LRRTM4: variants seen among roughly 807,000 people sequenced by gnomAD.
LRRTM4 encodes the protein leucine-rich repeat transmembrane neuronal protein 4.
In LRRTM4, 25 loss-of-function variants were observed where a neutral mutation model predicts 47.6. That is an observed-to-expected ratio of 0.53 (90% confidence interval 0.38 to 0.73). The LOEUF (loss-of-function observed/expected upper bound fraction) is 0.73. Ranked by LOEUF, LRRTM4 falls within the 30% of genes least tolerant of loss-of-function variation. LRRTM4 has a pLI of 0.00. For missense variants in LRRTM4, 638 were observed against 713.4 expected (o/e 0.89, Z 1.20); for synonymous variants, 311 against 269.5 (o/e 1.15, Z -1.51).
chr2:76,872,819 G>T (rs1166322374), intron 3 of LRRTM4, among the ~76,000 whole-genome samples: 1 of 152,026 alleles, frequency 6.6e-6, no homozygotes, highest in South Asian at 2.1e-4. Context: ...GTAATAATGA[G>T]TTATTGCTCT....
At chr2:77,099,015 C>T (rs559400000) in intron 3 of LRRTM4, among the ~76,000 whole-genome samples, 15 of 151,860 alleles carry the variant, frequency 9.9e-5, no homozygotes, top group African/African-American at 3.4e-4. Flanking sequence ...GAAAATTATA[C>T]ATTTTGATGG....
intron 3 of LRRTM4, among the ~76,000 whole-genome samples, chr2:77,010,436 T>G (rs1347686737): frequency 1.3e-5 from 2 of 151,652 alleles, no homozygotes; most frequent in African/African-American, 4.8e-5. Flanking sequence ...TCTTCCTGGT[T>G]GATCCATGTT....
At chr2:77,401,695 CTA>C (rs1356628167) in intron 3 of LRRTM4, among the ~76,000 whole-genome samples, 1 of 151,928 alleles carries the variant, frequency 6.6e-6, no homozygotes, top group African/African-American at 2.4e-5. Flanking sequence ...TTGCCTTCTT[CTA>C]TTTTGCCATA....
intron 3 of LRRTM4, among the ~76,000 whole-genome samples, chr2:76,934,053 C>A (rs1674859415): frequency 6.6e-6 from 1 of 152,124 alleles, no homozygotes; most frequent in Non-Finnish European, 1.5e-5. Context: ...TCAGTGTTCA[C>A]TTTGCATCAG....
intron 3 of LRRTM4, among the ~76,000 whole-genome samples, chr2:77,433,544 A>T (rs534204067): frequency 1.3e-5 from 2 of 152,318 alleles, no homozygotes; most frequent in African/African-American, 4.8e-5. Flanking sequence ...AAGTTTGCTT[A>T]TTATGAAGTA....
chr2:76,882,866 G>A (rs1672970474), intron 3 of LRRTM4, among the ~76,000 whole-genome samples: 1 of 152,098 alleles, frequency 6.6e-6, no homozygotes, highest in South Asian at 2.1e-4. Flanking sequence ...TGTCCCTCCT[G>A]TCTTCCACGG....
At chr2:77,512,310 T>C (rs569712116) in intron 3 of LRRTM4, among the ~76,000 whole-genome samples, 1 of 152,230 alleles carries the variant, frequency 6.6e-6, no homozygotes, top group African/African-American at 2.4e-5. Context: ...TACTGTGCTT[T>C]TTTTCTCAAC....
chr2:77,245,536 AAAG>A (rs1553415250), intron 3 of LRRTM4, among the ~76,000 whole-genome samples: 3 of 86,328 alleles, frequency 3.5e-5, no homozygotes, highest in African/African-American at 1.3e-4. Flanking sequence ...AAAAAAAAAA[AAAG>A]AAGAAGAAGA....
At chr2:76,796,013 G>A (rs974538498) in intron 3 of LRRTM4, among the ~76,000 whole-genome samples, 1 of 136,204 alleles carries the variant, frequency 7.3e-6, no homozygotes, top group Non-Finnish European at 1.5e-5. Context: ...GAAGCGCAAG[G>A]GGTCACGGAG....
chr2:77,411,382 CTTTCTCTCTTTCTTTCTTCTTTA>C (rs1179951902), intron 3 of LRRTM4, among the ~76,000 whole-genome samples: 1 of 151,096 alleles, frequency 6.6e-6, no homozygotes, highest in Non-Finnish European at 1.5e-5. Flanking sequence ...TTCTTTCTTT[CTTTCTCTCTTTCTTTCTTCTTTA>C]TTTCTCTCTT....
At chr2:76,915,103 C>A (rs942156215) in intron 3 of LRRTM4, among the ~76,000 whole-genome samples, 1 of 152,090 alleles carries the variant, frequency 6.6e-6, no homozygotes, top group Admixed American at 6.6e-5. Flanking sequence ...AAGAAACAAT[C>A]TATAGGTTAC....
chr2:76,785,202 A>AAATT (rs1211654268), intron 3 of LRRTM4, among the ~76,000 whole-genome samples: 1 of 152,120 alleles, frequency 6.6e-6, no homozygotes, highest in Admixed American at 6.5e-5. Context: ...AGTCTGCATA[A>AAATT]AATTTAGGAA....
chr2:76,966,653 ACTT>A (rs1342618639), intron 3 of LRRTM4, among the ~76,000 whole-genome samples: 1 of 151,432 alleles, frequency 6.6e-6, no homozygotes, highest in African/African-American at 2.4e-5. Flanking sequence ...TCTTCCGTTC[ACTT>A]CTTCATCTTA....
At position 77,049,135 on chromosome 2, in the gene LRRTM4, T is replaced by TAC. The variant is rs1456395274; in HGVS notation, c.1552-300220_1552-300219insGT. On this transcript the variant is annotated intron_variant, in intron 3 of 3. Coordinates refer to ENST00000409884, the MANE Select transcript of LRRTM4 (RefSeq NM_001134745.3). ...ATATTTCATTTTTTATATATATATA[T>TAC]ATATATATATATATATATATATACA... Among the ~76,000 whole-genome samples, 834 of 127,908 alleles carry TAC rather than the reference T, an allele frequency of 6.5e-3. 29 individuals carry two copies. The highest frequency in any genetic ancestry group is 0.023 in the East Asian group (104 of 4,542). 83.9% of individuals were successfully genotyped at this position (127,908 alleles called of 152,430 possible).
At chr2:76,926,388 T>C (rs1261612148) in intron 3 of LRRTM4, among the ~76,000 whole-genome samples, 1 of 152,172 alleles carries the variant, frequency 6.6e-6, no homozygotes, top group Non-Finnish European at 1.5e-5. Context: ...TATTACATAA[T>C]AAATGGATTC....
chr2:77,519,823 G>A lies in LRRTM4; in HGVS notation c.46C>T (p.Leu16=). The A allele has an allele frequency of 6.2e-7, 1 of 1,612,154 alleles. No homozygotes were observed. Among genetic ancestry groups the A allele is most frequent in the Non-Finnish European group, 8.5e-7 (1 of 1,179,000 alleles). The change falls in exon 3 of 4, where the codon CTG becomes TTG. Residue 16 remains leucine (L), a synonymous_variant. Transcript: ENST00000409884. The surrounding 1 kb of genome is among the most constrained non-coding windows in gnomAD (Gnocchi z 4.6). ...ITQLKGMSVV[L]VLLPTLLLVM... ...AGCAGCAGTGTAGGAAGTAGCACCA[G>A]CACCACACTCATGCCTTTCAGCTGC...
chr2:77,438,424 T>C (rs986733521), intron 3 of LRRTM4, among the ~76,000 whole-genome samples: 1 of 102,008 alleles, frequency 9.8e-6, no homozygotes, highest in African/African-American at 3.5e-5. Context: ...TTTTTTTTTT[T>C]GAGATGGAGT....
chr2:76,826,072 G>C (rs1671182084), intron 3 of LRRTM4, among the ~76,000 whole-genome samples: 1 of 151,712 alleles, frequency 6.6e-6, no homozygotes, highest in Non-Finnish European at 1.5e-5. Context: ...TAGTTCAGGA[G>C]ACAATGAAAA....
chr2:76,757,825 C>T (rs1395089526), intron 3 of LRRTM4, among the ~76,000 whole-genome samples: 1 of 152,098 alleles, frequency 6.6e-6, no homozygotes, highest in Admixed American at 6.6e-5. Context: ...GGCACAAATT[C>T]CCTCCAGGAA....
Sources: allele counts gnomAD v4.1 joint callset (sites outside exome capture counted in the v4.1 genomes callset), GRCh38; gene constraint gnomAD v4.1.1; non-coding constraint Gnocchi (gnomAD v3.1); transcripts MANE v1.5; gene names NCBI Gene and HGNC (gene_info 2026-07-23, HGNC 2026-07-21).